ARHGAP32: variants seen among roughly 807,000 people sequenced by gnomAD.
The protein encoded by ARHGAP32 is rho GTPase-activating protein 32.
A neutral mutation model predicts 186.5 loss-of-function variants in ARHGAP32; 51 were observed. The observed-to-expected ratio is 0.27, with a 90% CI of 0.22 to 0.35. ARHGAP32 has a LOEUF of 0.35. Ranked by LOEUF, ARHGAP32 falls within the 10% of genes least tolerant of loss-of-function variation. ARHGAP32 has a pLI of 1.00. For missense variants in ARHGAP32, 2,186 were observed against 2,623.5 expected (o/e 0.83, Z 3.64); for synonymous variants, 950 against 964.3 (o/e 0.99, Z 0.27).
At chr11:129,065,733 G>C (rs929674360) in intron 7 of ARHGAP32, among the ~76,000 whole-genome samples, 3 of 152,054 alleles carry the variant, frequency 2.0e-5, no homozygotes, top group African/African-American at 4.8e-5. Context: ...GGTAGGGGGA[G>C]TGGCTTACAC....
chr11:129,020,570 T>G (rs1008014456), intron 11 of ARHGAP32, among the ~76,000 whole-genome samples: 1 of 152,106 alleles, frequency 6.6e-6, no homozygotes, highest in African/African-American at 2.4e-5. Flanking sequence ...AATTATTTTT[T>G]GACATAGGTT....
At chr11:129,035,562 T>C (rs576036719) in intron 11 of ARHGAP32, among the ~76,000 whole-genome samples, 1 of 152,310 alleles carries the variant, frequency 6.6e-6, no homozygotes, top group African/African-American at 2.4e-5. Flanking sequence ...AGAATGTACA[T>C]TTTGGCTGGG....
chr11:129,035,203 T>A (rs1011462285), intron 11 of ARHGAP32, among the ~76,000 whole-genome samples: 3 of 152,078 alleles, frequency 2.0e-5, no homozygotes, highest in African/African-American at 7.2e-5. Flanking sequence ...TCTATCAAAC[T>A]CTTACCTTCT....
intron 15 of ARHGAP32, among the ~76,000 whole-genome samples, chr11:128,984,462 A>G (rs1451677748): frequency 2.6e-5 from 4 of 152,232 alleles, no homozygotes; most frequent in African/African-American, 7.2e-5. Context: ...AACATGGCAT[A>G]TCCAAATGAG....
chr11:129,095,036 A>G (rs1227679738), intron 5 of ARHGAP32, among the ~76,000 whole-genome samples: 1 of 152,238 alleles, frequency 6.6e-6, no homozygotes, highest in Non-Finnish European at 1.5e-5. Context: ...TATTGAGGAA[A>G]GTGGTATCAC....
At chr11:128,978,642 ACT>A in intron 19 of ARHGAP32, 126 bp downstream of exon 19, 2 of 787,832 alleles carry the variant, frequency 2.5e-6, no homozygotes, top group Non-Finnish European at 3.7e-6. Flanking sequence ...GAGAGAAGAC[ACT>A]CTGTATGTGT....
chr11:129,049,104 C>G (rs900648297), intron 10 of ARHGAP32, among the ~76,000 whole-genome samples: 5 of 151,876 alleles, frequency 3.3e-5, no homozygotes, highest in African/African-American at 1.2e-4. Flanking sequence ...GCAGAAGCAG[C>G]ACAGGAACAG....
At chr11:129,213,588 A>T (rs1007026172) in intron 1 of ARHGAP32, among the ~76,000 whole-genome samples, 1 of 152,200 alleles carries the variant, frequency 6.6e-6, no homozygotes, top group East Asian at 1.9e-4. Context: ...TATCTTATTA[A>T]TATTATATGA....
chr11:129,073,845 G>A (rs11221558), intron 6 of ARHGAP32, among the ~76,000 whole-genome samples: 3,921 of 151,846 alleles, frequency 0.026, 95 homozygotes, highest in African/African-American at 0.062. Context: ...GGGAGTTTGC[G>A]GGGGAAACAC....
rs115703648 is a variant in ARHGAP32 at position 129,096,681 on chromosome 11, T to C, written c.445-2974A>G. Among the ~76,000 whole-genome samples, 1,445 of 152,280 alleles carry C rather than the reference T, an allele frequency of 9.5e-3. 21 individuals carry two copies. Among genetic ancestry groups the C allele is most frequent in the African/African-American group, 0.028 (1,149 of 41,544 alleles). ...TGTGGCTGCGGATCACTGCTTTGGA[T>C]TGCAGAGGTGCAGACAAATAGCTAT... On this transcript the variant is annotated intron_variant, in intron 5 of 22. Transcript: ENST00000682385.
chr11:129,003,722 T>C (rs1186861484), intron 11 of ARHGAP32, among the ~76,000 whole-genome samples: 1 of 152,132 alleles, frequency 6.6e-6, no homozygotes, highest in Non-Finnish European at 1.5e-5. Flanking sequence ...CAGTGTCAGT[T>C]GCAATGTCTC....
intron 1 of ARHGAP32, among the ~76,000 whole-genome samples, chr11:129,221,443 C>T (rs1210007562): frequency 6.6e-6 from 1 of 150,892 alleles, no homozygotes; most frequent in East Asian, 2.0e-4. Context: ...TCCTAAAACC[C>T]CATTACAATC....
intron 1 of ARHGAP32, among the ~76,000 whole-genome samples, chr11:129,171,319 C>A (rs908961194): frequency 1.3e-5 from 2 of 152,140 alleles, no homozygotes; most frequent in Admixed American, 6.5e-5. Context: ...ACATTTAAGT[C>A]TTTAATCCAT....
At chr11:129,190,648 A>C (rs1410036859) in intron 1 of ARHGAP32, among the ~76,000 whole-genome samples, 1 of 152,170 alleles carries the variant, frequency 6.6e-6, no homozygotes, top group Non-Finnish European at 1.5e-5. Context: ...TACAGTACCA[A>C]ATCTGTTATA....
intron 1 of ARHGAP32, among the ~76,000 whole-genome samples, chr11:129,174,964 G>C (rs573895161): frequency 6.9e-6 from 1 of 145,334 alleles, no homozygotes; most frequent in East Asian, 2.0e-4. Flanking sequence ...CGAGCTCAGA[G>C]AAGAAGGCTT....
chr11:129,048,626 A>T (rs1939912211), intron 10 of ARHGAP32, among the ~76,000 whole-genome samples: 1 of 152,212 alleles, frequency 6.6e-6, no homozygotes, highest in Admixed American at 6.5e-5. Context: ...TAAAGGCAAG[A>T]AGTAATTGAT....
At chr11:129,006,788 AGCCAAGCT>A (rs1224178558) in intron 11 of ARHGAP32, among the ~76,000 whole-genome samples, 1 of 152,220 alleles carries the variant, frequency 6.6e-6, no homozygotes, top group Admixed American at 6.5e-5. Context: ...TGGTAAAGCC[AGCCAAGCT>A]GTGTTGTTCC....
intron 1 of ARHGAP32, among the ~76,000 whole-genome samples, chr11:129,185,229 T>G (rs1944134580): frequency 6.6e-6 from 1 of 152,292 alleles, no homozygotes; most frequent in East Asian, 1.9e-4. Flanking sequence ...TATACTGGAT[T>G]AAGAAAATGT....
At chr11:129,017,220 C>T (rs925238369) in intron 11 of ARHGAP32, among the ~76,000 whole-genome samples, 9 of 152,066 alleles carry the variant, frequency 5.9e-5, no homozygotes, top group Non-Finnish European at 1.2e-4. Flanking sequence ...CTTTGGGAGG[C>T]CAAGGCGGGC....
Sources: allele counts gnomAD v4.1 joint callset (sites outside exome capture counted in the v4.1 genomes callset), GRCh38; gene constraint gnomAD v4.1.1; transcripts MANE v1.5; gene names NCBI Gene and HGNC (gene_info 2026-07-23, HGNC 2026-07-21).